The following ZBTB7C variants were observed in gnomAD, a reference collection of about 807,000 sequenced individuals.
ZBTB7C encodes zinc finger and BTB domain containing 7C, also known as zinc finger and BTB domain-containing protein 7C.
In ZBTB7C, 8 loss-of-function variants were observed where a neutral mutation model predicts 25.7. The ratio of observed to expected loss-of-function variants is 0.31; its 90% CI spans 0.18 to 0.56. The LOEUF is 0.56. ZBTB7C is among the 20% of genes least tolerant of loss of function. The probability of loss-of-function intolerance (pLI) is 0.91; values close to 1 mark genes in which losing one functional copy is unlikely to be tolerated. For synonymous variants in ZBTB7C, 394 were observed against 369.0 expected (o/e 1.07, Z -0.78); for missense variants, 824 against 855.2 (o/e 0.96, Z 0.46).
chr18:48,293,647 AAAG>A (rs1449142194), intron 2 of ZBTB7C, among the ~76,000 whole-genome samples: 5 of 152,204 alleles, frequency 3.3e-5, no homozygotes, highest in Non-Finnish European at 5.9e-5. Context: ...ATAAATCATC[AAAG>A]AAGAAGAGTG....
chr18:48,301,949 A>C (rs2045554881), intron 2 of ZBTB7C, among the ~76,000 whole-genome samples: 1 of 152,188 alleles, frequency 6.6e-6, no homozygotes, highest in Admixed American at 6.5e-5. Context: ...CATAAAGGCG[A>C]GAGTCTTCAG....
At chr18:48,205,350 A>G (rs916478941) in intron 2 of ZBTB7C, among the ~76,000 whole-genome samples, 16 of 152,000 alleles carry the variant, frequency 1.1e-4, no homozygotes, top group African/African-American at 1.7e-4. Context: ...CAAATTAAAT[A>G]CCTAAGAAAT....
intron 2 of ZBTB7C, among the ~76,000 whole-genome samples, chr18:48,292,968 C>T (rs1455409073): frequency 5.3e-5 from 8 of 152,212 alleles, no homozygotes; most frequent in African/African-American, 1.9e-4. Context: ...GTCAGCTTTG[C>T]TTATCTCTCA....
At chr18:48,125,860 C>T (rs775380706) in intron 3 of ZBTB7C, among the ~76,000 whole-genome samples, 9 of 152,190 alleles carry the variant, frequency 5.9e-5, no homozygotes, top group East Asian at 1.9e-4. Flanking sequence ...TCGCTAGCCA[C>T]GCATTCTAAG....
rs1440487913 is a variant in ZBTB7C, at chr18:48,029,635, G to A, written c.1485C>T (p.Pro495=). ...AWRAASLLFG[P]GGPAPDKAAF... is the part of the protein sequence containing the mutation. ...CCGCCTTGTCGGGGGCCGGGCCGCC[G>A]GGCCCGAAGAGCAGGCTGGCGGCCC... The change falls in exon 5 of 5, where the codon CCC becomes CCT. Residue 495 remains proline, a synonymous_variant. Coordinates refer to ENST00000590800, the MANE Select transcript of ZBTB7C (RefSeq NM_001318841.2). 2 of 1,513,400 alleles carry A rather than the reference G, an allele frequency of 1.3e-6. No individual in the cohort carries two copies. The highest frequency in any genetic ancestry group is 1.8e-6 in the Non-Finnish European group (2 of 1,140,710). 93.7% of individuals were successfully genotyped at this position (1,513,400 alleles called of 1,614,324 possible).
At chr18:48,382,680 G>T (rs1299841972) in intron 1 of ZBTB7C, among the ~76,000 whole-genome samples, 3 of 152,194 alleles carry the variant, frequency 2.0e-5, no homozygotes, top group African/African-American at 7.2e-5. Context: ...TCACACGAAT[G>T]ACTTTGCATG....
intron 2 of ZBTB7C, among the ~76,000 whole-genome samples, chr18:48,272,158 C>T (rs2044512943): frequency 6.6e-6 from 1 of 152,180 alleles, no homozygotes; most frequent in Non-Finnish European, 1.5e-5. Flanking sequence ...TGTAAGGATG[C>T]TTCCAGATGA....
At chr18:48,133,694 T>C (rs1410035332) in intron 3 of ZBTB7C, among the ~76,000 whole-genome samples, 4 of 146,906 alleles carry the variant, frequency 2.7e-5, no homozygotes, top group African/African-American at 5.0e-5. Flanking sequence ...GGAAAATAAA[T>C]CCTCCGTGGA....
At chr18:48,048,959 C>A (rs547504843) in intron 3 of ZBTB7C, among the ~76,000 whole-genome samples, 1 of 152,178 alleles carries the variant, frequency 6.6e-6, no homozygotes, top group Non-Finnish European at 1.5e-5. Context: ...ATGCCCCAGG[C>A]CACATGGCAA....
chr18:48,322,579 A>G (rs968614949), intron 2 of ZBTB7C, among the ~76,000 whole-genome samples: 4 of 152,138 alleles, frequency 2.6e-5, no homozygotes, highest in Admixed American at 1.3e-4. Context: ...AAAAGGGAAC[A>G]CTTCTATACT....
chr18:48,380,594 C>G (rs1219603082), intron 1 of ZBTB7C, among the ~76,000 whole-genome samples: 1 of 152,128 alleles, frequency 6.6e-6, no homozygotes. Flanking sequence ...GCAATGACAA[C>G]CCAGTAGCAA....
intron 2 of ZBTB7C, among the ~76,000 whole-genome samples, chr18:48,321,471 T>G (rs1018389006): frequency 2.6e-5 from 4 of 151,932 alleles, no homozygotes; most frequent in Non-Finnish European, 5.9e-5. Flanking sequence ...GAGAGTTGAG[T>G]GGATATCCAG....
intron 3 of ZBTB7C, among the ~76,000 whole-genome samples, chr18:48,091,586 T>C (rs1300417536): frequency 6.6e-6 from 1 of 152,144 alleles, no homozygotes; most frequent in Non-Finnish European, 1.5e-5. Flanking sequence ...GTGGGTCTCA[T>C]TTATTAGAGC....
At chr18:48,135,946 C>A (rs970895918) in intron 3 of ZBTB7C, among the ~76,000 whole-genome samples, 1 of 152,242 alleles carries the variant, frequency 6.6e-6, no homozygotes, top group African/African-American at 2.4e-5. Context: ...AAGGCAGCCG[C>A]CCGCTGCCCA....
chr18:48,267,750 C>A (rs1275535779), intron 2 of ZBTB7C, among the ~76,000 whole-genome samples: 1 of 152,094 alleles, frequency 6.6e-6, no homozygotes, highest in African/African-American at 2.4e-5. Flanking sequence ...ATAAAAGAGA[C>A]CCCTGGAGAG....
intron 1 of ZBTB7C, among the ~76,000 whole-genome samples, chr18:48,352,877 A>G (rs1258739216): frequency 2.0e-5 from 3 of 152,090 alleles, no homozygotes; most frequent in Non-Finnish European, 4.4e-5. Flanking sequence ...CTGGGACCCA[A>G]GTTACTCCAC....
intron 2 of ZBTB7C, among the ~76,000 whole-genome samples, chr18:48,277,546 C>T (rs2044700593): frequency 6.6e-6 from 1 of 152,230 alleles, no homozygotes; most frequent in African/African-American, 2.4e-5. Context: ...AGAATTTAAA[C>T]TTCACAGCTA....
intron 3 of ZBTB7C, among the ~76,000 whole-genome samples, chr18:48,080,084 G>T (rs1026586996): frequency 6.6e-6 from 1 of 152,250 alleles, no homozygotes; most frequent in African/African-American, 2.4e-5. Flanking sequence ...GGCCCGCCTG[G>T]TGGGGGAGTG....
At chr18:48,309,476 C>T (rs1226632612) in intron 2 of ZBTB7C, among the ~76,000 whole-genome samples, 1 of 152,212 alleles carries the variant, frequency 6.6e-6, no homozygotes, top group Non-Finnish European at 1.5e-5. Context: ...GTAAAAAATG[C>T]TGAAGAGCAC....
Sources: allele counts gnomAD v4.1 joint callset (sites outside exome capture counted in the v4.1 genomes callset), GRCh38; gene constraint gnomAD v4.1.1; transcripts MANE v1.5; gene names NCBI Gene and HGNC (gene_info 2026-07-23, HGNC 2026-07-21).